The following NAALADL2 variants were observed in gnomAD, a reference collection of about 807,000 sequenced individuals.
The protein encoded by NAALADL2 is inactive N-acetylated-alpha-linked acidic dipeptidase-like protein 2.
In NAALADL2, 76 loss-of-function variants were observed where a neutral mutation model predicts 87.2. The ratio of observed to expected loss-of-function variants is 0.87; its 90% CI spans 0.72 to 1.05. The LOEUF is 1.05. NAALADL2 is among the 50% of genes least tolerant of loss of function. The pLI, the probability that NAALADL2 is intolerant of heterozygous loss-of-function variation, is 0.00. For missense variants in NAALADL2, 1,089 were observed against 945.8 expected, an observed-to-expected ratio of 1.15 and a Z score of -1.99; for synonymous variants, 354 against 331.0, an observed-to-expected ratio of 1.07 and a Z score of -0.75.
chr3:174,948,162 C>CTTATTTATTTAT (rs140866333), intron 1 of NAALADL2, among the ~76,000 whole-genome samples: 3,085 of 150,174 alleles, frequency 0.021, 109 homozygotes, highest in African/African-American at 0.071. Flanking sequence ...CCATATAGAA[C>CTTATTTATTTAT]TTATTTATTT....
chr3:175,299,869 T>G (rs1270979723), intron 4 of NAALADL2, among the ~76,000 whole-genome samples: 1 of 152,204 alleles, frequency 6.6e-6, no homozygotes, highest in Non-Finnish European at 1.5e-5. Context: ...TGTGCTGATT[T>G]TCAAAGGAAA....
At chr3:175,553,277 C>T (rs544695653) in intron 9 of NAALADL2, among the ~76,000 whole-genome samples, 11 of 152,208 alleles carry the variant, frequency 7.2e-5, no homozygotes, top group African/African-American at 1.2e-4. Flanking sequence ...TTGGGCTCTA[C>T]GCCAAATGAT....
At chr3:174,877,462 G>A (rs1183501352) in intron 1 of NAALADL2, among the ~76,000 whole-genome samples, 1 of 151,928 alleles carries the variant, frequency 6.6e-6, no homozygotes, top group Non-Finnish European at 1.5e-5. Flanking sequence ...CCTATTTCAG[G>A]CATTCAGAAA....
intron 1 of NAALADL2, among the ~76,000 whole-genome samples, chr3:174,882,577 TTATACACATATGTGTA>T (rs1287254445): frequency 1.2e-4 from 17 of 136,188 alleles, no homozygotes; most frequent in African/African-American, 2.4e-4. Flanking sequence ...ACATATGTGC[TTATACACATATGTGTA>T]TATACACATA....
intron 9 of NAALADL2, among the ~76,000 whole-genome samples, chr3:175,485,858 C>T (rs899195035): frequency 2.0e-5 from 3 of 152,082 alleles, no homozygotes; most frequent in Non-Finnish European, 2.9e-5. Context: ...TAATATTAAC[C>T]GTCACAGAGC....
chr3:175,088,701 G>A (rs193090857), intron 1 of NAALADL2, among the ~76,000 whole-genome samples: 1 of 151,934 alleles, frequency 6.6e-6, no homozygotes, highest in Non-Finnish European at 1.5e-5. Flanking sequence ...TCAACTCTCT[G>A]TTCTTGGAAA....
intron 2 of NAALADL2, among the ~76,000 whole-genome samples, chr3:174,714,462 T>C (rs967088144): frequency 9.9e-5 from 15 of 152,066 alleles, no homozygotes; most frequent in Admixed American, 5.9e-4. Flanking sequence ...TTGTTTGTAT[T>C]CTCTTTTATT....
intron 4 of NAALADL2, among the ~76,000 whole-genome samples, chr3:175,318,283 C>T (rs761551678): frequency 4.5e-4 from 69 of 152,068 alleles, no homozygotes; most frequent in Admixed American, 2.7e-3. Context: ...TTTTAGTGTA[C>T]GTATGTATGT....
At chr3:175,328,106 C>T (rs1226585787) in intron 5 of NAALADL2, among the ~76,000 whole-genome samples, 4 of 152,132 alleles carry the variant, frequency 2.6e-5, no homozygotes, top group African/African-American at 9.7e-5. Context: ...TCAGTTTACA[C>T]CTAGCTAGAC....
At chr3:175,596,789 G>C (rs34599357) in intron 10 of NAALADL2, among the ~76,000 whole-genome samples, 3,927 of 151,962 alleles carry the variant, frequency 0.026, 90 homozygotes, top group South Asian at 0.038. Flanking sequence ...GAACCTAGCT[G>C]TATATGGCTT....
intron 1 of NAALADL2, among the ~76,000 whole-genome samples, chr3:174,486,433 A>G (rs905746910): frequency 6.6e-6 from 1 of 152,024 alleles, no homozygotes; most frequent in East Asian, 1.9e-4. Context: ...TTAAAACCTC[A>G]AACTTGTCCA....
At chr3:174,970,707 T>C (rs1743507843) in intron 1 of NAALADL2, among the ~76,000 whole-genome samples, 2 of 152,194 alleles carry the variant, frequency 1.3e-5, no homozygotes, top group African/African-American at 4.8e-5. Context: ...TTTCCGTTGC[T>C]AATGGTTCTT....
chr3:175,089,150 T>A (rs9880351), intron 1 of NAALADL2, among the ~76,000 whole-genome samples: 5 of 152,162 alleles, frequency 3.3e-5, no homozygotes, highest in East Asian at 3.9e-4. Context: ...AAACATAGCC[T>A]GCCAGAGTGC....
chr3:175,733,523 G>C (rs536898364), intron 11 of NAALADL2, among the ~76,000 whole-genome samples: 1 of 152,280 alleles, frequency 6.6e-6, no homozygotes, highest in Non-Finnish European at 1.5e-5. Context: ...GGAGCTACAA[G>C]ATGAGATTTG....
intron 1 of NAALADL2, among the ~76,000 whole-genome samples, chr3:174,972,996 C>CAA (rs368649970): frequency 0.039 from 4,942 of 127,672 alleles, 247 homozygotes; most frequent in African/African-American, 0.11. Context: ...AACTCTGTCT[C>CAA]AAAAAAAAAA....
intron 1 of NAALADL2, among the ~76,000 whole-genome samples, chr3:174,530,302 C>T (rs1037513672): frequency 6.6e-6 from 1 of 152,210 alleles, no homozygotes. Context: ...AGTTCCTCTT[C>T]TCCATCTGAG....
intron 10 of NAALADL2, among the ~76,000 whole-genome samples, chr3:175,602,871 G>A (rs1723164016): frequency 6.6e-6 from 1 of 152,040 alleles, no homozygotes; most frequent in Non-Finnish European, 1.5e-5. Flanking sequence ...ACAAATAATC[G>A]TAGCCCTATA....
chr3:174,870,076 G>GGT (rs368770474), intron 1 of NAALADL2, among the ~76,000 whole-genome samples: 4 of 150,966 alleles, frequency 2.6e-5, no homozygotes, highest in East Asian at 1.9e-4. Context: ...TGAGTTTGTG[G>GGT]GTGTGTGTGT....
chr3:174,753,232 C>A (rs1408783693), intron 3 of NAALADL2, among the ~76,000 whole-genome samples: 1 of 152,144 alleles, frequency 6.6e-6, no homozygotes. Context: ...CGCCACCATG[C>A]CTGGCTAATT....
Sources: allele counts gnomAD v4.1 joint callset (sites outside exome capture counted in the v4.1 genomes callset), GRCh38; gene constraint gnomAD v4.1.1; transcripts MANE v1.5; gene names NCBI Gene and HGNC (gene_info 2026-07-23, HGNC 2026-07-21).